The following UNC5A variants were observed in gnomAD, a reference collection of about 807,000 sequenced individuals.
UNC5A encodes the protein unc-5 netrin receptor A.
Under a neutral mutation model 87.4 loss-of-function variants are expected in UNC5A, and 20 were observed. The observed-to-expected ratio is 0.23, with a 90% CI of 0.16 to 0.33. The LOEUF (loss-of-function observed/expected upper bound fraction) is 0.33. Ranked by LOEUF, UNC5A falls within the 10% of genes least tolerant of loss-of-function variation. The pLI is 1.00. For missense variants in UNC5A, 844 were observed against 1,133.4 expected, an observed-to-expected ratio of 0.74 and a Z score of 3.67; for synonymous variants, 438 against 482.3, an observed-to-expected ratio of 0.91 and a Z score of 1.20.
intron 1 of UNC5A, among the ~76,000 whole-genome samples, chr5:176,827,118 G>C (rs1250121369): frequency 6.6e-6 from 1 of 150,778 alleles, no homozygotes; most frequent in East Asian, 1.9e-4. Context: ...CTTTCGCTTA[G>C]CATAATGTGC....
intron 1 of UNC5A, among the ~76,000 whole-genome samples, chr5:176,815,716 A>G (rs1756571379): frequency 6.6e-6 from 1 of 152,212 alleles, no homozygotes; most frequent in Non-Finnish European, 1.5e-5. Context: ...CCGAGCCCAG[A>G]CACAGGAGAA....
intron 1 of UNC5A, among the ~76,000 whole-genome samples, chr5:176,820,352 G>T (rs1156742358): frequency 6.6e-6 from 1 of 151,998 alleles, no homozygotes; most frequent in Admixed American, 6.5e-5. Context: ...AGCCAAGATT[G>T]CACCACTGTA....
At position 176,880,040 on chromosome 5, in the gene UNC5A, C is replaced by G; in HGVS notation, c.*154C>G. 9.7e-7 allele frequency: 1 copy of G among 1,026,396 alleles called. No individual in the cohort carries two copies. The highest frequency in any genetic ancestry group is 1.4e-6 in the Non-Finnish European group (1 of 729,412). 63.6% of individuals were successfully genotyped at this position (1,026,396 alleles called of 1,614,324 possible). The stretch of plus-strand genomic sequence containing the variant: ...GTCCCTTAATGCTGGTCCTTCAGAC[C>G]CTGCCCGAACTCCCACCTCTCCATG... On this transcript the variant is annotated 3_prime_UTR_variant, in exon 15 of 15. Transcript: ENST00000329542.
Position 176,870,437 on chromosome 5 carries a change from C to A in UNC5A, c.789C>A (p.Ser263Arg). 1 of 1,612,160 alleles carries A rather than the reference C, an allele frequency of 6.2e-7. No individual in the cohort carries two copies. The highest frequency in any genetic ancestry group is 8.5e-7 in the Non-Finnish European group (1 of 1,179,498). ...ACGLDCTHWR[S>R]RECSDPAPRN... ...GGCTGGACTGCACCCACTGGCGGAG[C>A]CGTGAGTGCTCTGACCCAGCACCCC... Residue 263 changes from serine (S) to arginine (R), a missense_variant, in exon 6 of 15, where the codon AGC becomes AGA. Around this residue, in one of 3 missense-constraint regions of UNC5A, gnomAD observed 314 missense variants for 466.5 expected, o/e 0.67. Transcript: ENST00000329542.
intron 3 of UNC5A, 101 bp from the exon 4 acceptor site, chr5:176,868,460 T>G: frequency 6.9e-7 from 1 of 1,449,296 alleles, no homozygotes. Flanking sequence ...TGGCACTTCC[T>G]CTGCCATGTG....
intron 8 of UNC5A, among the ~76,000 whole-genome samples, chr5:176,876,850 G>A (rs917799711): frequency 1.1e-4 from 16 of 152,202 alleles, no homozygotes; most frequent in Non-Finnish European, 2.2e-4. Flanking sequence ...TCATCCGGGG[G>A]CAGGGAAGGT....
Position 176,878,569 on chromosome 5 carries a change from C to T in UNC5A, c.2114C>T (p.Ala705Val), listed in dbSNP as rs1353805627. The T allele has an allele frequency of 8.7e-6, 14 of 1,613,010 alleles. No homozygotes were observed. The African/African-American group carries it at 1.6e-4, about 18-fold the overall frequency. ...GTCAGCCCCAGCACTAGTGACCTGG[C>T]CTGCAAGCTGTGGGTGTGGCAGGTG... ...ERVSPSTSDL[A>V]CKLWVWQVEG... The change falls in exon 13 of 15, where the codon GCC becomes GTC. Residue 705 changes from alanine (A) to valine (V), a missense_variant. Physicochemically the swap from Ala to Val is moderately conservative, Grantham distance 64. Transcript: ENST00000329542.
At position 176,849,333 on chromosome 5, in the gene UNC5A, C is replaced by T. The variant is rs963731917; in HGVS notation, c.71-13291C>T. Among the ~76,000 whole-genome samples, 24 of 152,230 alleles carry T rather than the reference C, an allele frequency of 1.6e-4. 1 individual carries two copies. Among genetic ancestry groups the T allele is most frequent in the Non-Finnish European group, 3.2e-4 (22 of 68,044 alleles). ...GGCGCAGTGGCTCACGCCTGTAATC[C>T]CAGCACTTTGGGAGGCCAAGGCAGG... is the stretch of plus-strand genomic sequence containing the variant. On this transcript the variant is annotated intron_variant, in intron 1 of 14. Coordinates refer to ENST00000329542, the MANE Select transcript of UNC5A (RefSeq NM_133369.3).
intron 1 of UNC5A, among the ~76,000 whole-genome samples, chr5:176,814,269 C>T (rs1407362800): frequency 6.6e-6 from 1 of 152,182 alleles, no homozygotes; most frequent in African/African-American, 2.4e-5. Context: ...CCTTGAGCCC[C>T]CTTGGGCCCT....
chr5:176,880,869 T>G lies in UNC5A; in HGVS notation c.*983T>G. On this transcript the variant is annotated 3_prime_UTR_variant, in exon 15 of 15. Coordinates refer to ENST00000329542, the MANE Select transcript of UNC5A (RefSeq NM_133369.3). ...ACATAGGGGTTTTATCGGGCGTGAA[T>G]GTAAATAAATTATATATATATATTG... is the stretch of plus-strand genomic sequence containing the variant. The G allele has an allele frequency of 2.0e-6, 1 of 493,774 alleles. No individual in the cohort carries two copies. The highest frequency in any genetic ancestry group is 3.4e-6 in the Non-Finnish European group (1 of 290,238). The allele number at this position is 493,774 out of a possible 1,614,324, so 30.6% of individuals were successfully genotyped here.
Position 176,870,955 on chromosome 5 carries a change from C to A in UNC5A, c.886+421C>A, listed in dbSNP as rs1249306145. 7.0e-3 allele frequency among the ~76,000 whole-genome samples: 817 copies of A among 116,756 alleles called. 1 individual carries two copies. Among genetic ancestry groups the A allele is most frequent in the Admixed American group, 0.013 (137 of 10,500 alleles). The allele number at this position is 116,756 out of a possible 152,430, so 76.6% of individuals were successfully genotyped here. A position where few individuals can be genotyped will look rare whatever the true frequency, so the allele number is the denominator to read the frequency against. ...ACAGCTTCCCATCTGCCCACACTCG[C>A]CCAACACCACAGCTTCCCATCTGCC... On this transcript the variant is annotated intron_variant, in intron 6 of 14. Transcript: ENST00000329542.
chr5:176,877,985 G>C lies in UNC5A; in HGVS notation c.1727G>C (p.Gly576Ala), dbSNP rs1166376742. Reference protein sequence around the residue: ...SACYVFTEQLGRFALVGEALS... With the variant: ...SACYVFTEQLARFALVGEALS... ...TGCTACGTCTTCACCGAGCAGCTGG[G>C]CCGCTTTGCCCTGGTGGGAGAGGCC... The change falls in exon 11 of 15, where the codon GGC becomes GCC. Residue 576 changes from glycine to alanine, a missense_variant. This residue lies in a region of UNC5A where 353 missense variants were observed against 387.5 expected (regional missense o/e 0.91). Transcript: ENST00000329542. 1 of 1,605,696 alleles carries C rather than the reference G, an allele frequency of 6.2e-7. No homozygotes were observed. Among genetic ancestry groups the C allele is most frequent in the South Asian group, 1.1e-5 (1 of 91,078 alleles).
At chr5:176,853,533 G>C (rs1028012459) in intron 1 of UNC5A, among the ~76,000 whole-genome samples, 4 of 152,206 alleles carry the variant, frequency 2.6e-5, no homozygotes, top group East Asian at 3.9e-4. Context: ...ACTTTCCTCC[G>C]ATCTCGGGGA....
chr5:176,851,857 C>T (rs73804245), intron 1 of UNC5A, among the ~76,000 whole-genome samples: 6,056 of 152,242 alleles, frequency 0.04, 396 homozygotes, highest in African/African-American at 0.13. Flanking sequence ...GGGAAGAACC[C>T]GGATGGAAAT....
At chr5:176,851,207 A>G (rs1200824271) in intron 1 of UNC5A, among the ~76,000 whole-genome samples, 1 of 152,224 alleles carries the variant, frequency 6.6e-6, no homozygotes, top group African/African-American at 2.4e-5. Flanking sequence ...TGGTAATTCA[A>G]ATTAGTTCCT....
intron 11 of UNC5A, 21 bp downstream of exon 11, chr5:176,878,148 C>G (rs374444125): frequency 8.5e-5 from 136 of 1,604,410 alleles, no homozygotes; most frequent in Non-Finnish European, 1.1e-4. Flanking sequence ...CCCCTCACCC[C>G]CCGCCGCTGG....
At position 176,879,701 on chromosome 5, in the gene UNC5A, G is replaced by C; in HGVS notation, c.2364-20G>C. 6.2e-7 allele frequency: 1 copy of C among 1,609,726 alleles called. No homozygotes were observed. Among genetic ancestry groups the C allele is most frequent in the Non-Finnish European group, 8.5e-7 (1 of 1,178,338 alleles). On this transcript the variant is annotated intron_variant, in intron 14 of 14. Transcript: ENST00000329542. ...GCTGGGGCCAGGCCAGGCTGCTGAC[G>C]GCCCCCCTCCCCTCCACAGCCATCT...
At chr5:176,860,517 C>T (rs549814193) in intron 1 of UNC5A, among the ~76,000 whole-genome samples, 6 of 152,326 alleles carry the variant, frequency 3.9e-5, no homozygotes, top group African/African-American at 9.6e-5. Flanking sequence ...CAGGGCTGGC[C>T]GGTGGCTGCC....
chr5:176,822,863 G>C (rs75376440), intron 1 of UNC5A, among the ~76,000 whole-genome samples: 1 of 152,092 alleles, frequency 6.6e-6, no homozygotes, highest in Admixed American at 6.5e-5. Flanking sequence ...GCCGGGAGGC[G>C]TGCAGCCCCG....
Sources: allele counts gnomAD v4.1 joint callset (sites outside exome capture counted in the v4.1 genomes callset), GRCh38; gene constraint gnomAD v4.1.1; regional missense constraint gnomAD v4.1.1; transcripts MANE v1.5; gene names NCBI Gene and HGNC (gene_info 2026-07-23, HGNC 2026-07-21).